Variants in NTNG1 observed in about 807,000 individuals in gnomAD.
The protein encoded by NTNG1 is netrin G1.
A neutral mutation model predicts 54.0 loss-of-function variants in NTNG1; 16 were observed. That is an observed-to-expected ratio of 0.30 (90% confidence interval 0.20 to 0.45). The LOEUF is 0.45. Ranked by LOEUF, NTNG1 falls within the 20% of genes least tolerant of loss-of-function variation. The pLI is 1.00. For missense variants in NTNG1, 530 were observed against 678.7 expected (o/e 0.78, Z 2.43); for synonymous variants, 255 against 263.1 (o/e 0.97, Z 0.30).
intron 2 of NTNG1, among the ~76,000 whole-genome samples, chr1:107,307,155 A>C (rs1013008324): frequency 6.6e-6 from 1 of 152,242 alleles, no homozygotes; most frequent in Non-Finnish European, 1.5e-5. Context: ...TTTTGTCCAC[A>C]AGAATAACTT....
chr1:107,185,780 G>A (rs1385999811), intron 2 of NTNG1, among the ~76,000 whole-genome samples: 1 of 152,118 alleles, frequency 6.6e-6, no homozygotes, highest in African/African-American at 2.4e-5. Context: ...TCACATTGTG[G>A]AGCAATATGC....
Position 107,380,448 on chromosome 1 carries a change from AT to A in NTNG1, c.888-14699del, listed in dbSNP as rs528782764. Among the ~76,000 whole-genome samples, 176 of 152,116 alleles carry A rather than the reference AT, an allele frequency of 1.2e-3. 1 individual carries two copies. The highest frequency in any genetic ancestry group is 1.5e-3 in the Non-Finnish European group (99 of 67,992). On this transcript the variant is annotated intron_variant, in intron 3 of 7. Transcript: ENST00000370068. ...GTTACACATATACTCCCTAGGGATG[AT>A]TTTTTTCTTTATCTGTAAAATAGGG...
Position 107,181,972 on chromosome 1 carries a change from T to A in NTNG1, c.246+33133T>A, listed in dbSNP as rs954827663. Among the ~76,000 whole-genome samples, 6 of 152,228 alleles carry A rather than the reference T, an allele frequency of 3.9e-5. No individual in the cohort carries two copies. The South Asian group carries it at 6.2e-4, about 16-fold the overall frequency. ...ACTCTCAATATTCCCCTGTTTTTTTTATATTAATAATAATTATTAGGGGAA... is the reference window on the plus strand; with the variant it reads ...ACTCTCAATATTCCCCTGTTTTTTTAATATTAATAATAATTATTAGGGGAA... On this transcript the variant is annotated intron_variant, in intron 2 of 7. Transcript: ENST00000370068.
chr1:107,305,442 G>C (rs998296903), intron 2 of NTNG1, among the ~76,000 whole-genome samples: 4 of 152,150 alleles, frequency 2.6e-5, no homozygotes, highest in African/African-American at 9.7e-5. Context: ...ACTGGCCTGA[G>C]ATGTTATCTA....
rs1166761109 is a variant in NTNG1 at position 107,208,021 on chromosome 1, C to T, written c.246+59182C>T. On this transcript the variant is annotated intron_variant, in intron 2 of 7. Transcript: ENST00000370068. ...CTACAGGGAACCATTGTCCCTGTCC[C>T]CCTCCTCTTCATCATGATCGTGGAA... Among the ~76,000 whole-genome samples, 9 of 152,198 alleles carry T rather than the reference C, an allele frequency of 5.9e-5. No individual in the cohort carries two copies. The East Asian group carries it at 1.7e-3, about 29-fold the overall frequency.
chr1:107,322,560 A>G (rs1427982450), intron 2 of NTNG1, among the ~76,000 whole-genome samples: 1 of 152,080 alleles, frequency 6.6e-6, no homozygotes, highest in Non-Finnish European at 1.5e-5. Context: ...AGCCTTTGCC[A>G]GTCTGTAGAG....
At chr1:107,217,666 C>A (rs1286082779) in intron 2 of NTNG1, among the ~76,000 whole-genome samples, 1 of 152,124 alleles carries the variant, frequency 6.6e-6, no homozygotes, top group East Asian at 1.9e-4. Flanking sequence ...CTACTCATTT[C>A]AAAGAATCTT....
chr1:107,478,199 T>C (rs1678457827), intron 7 of NTNG1, among the ~76,000 whole-genome samples: 1 of 152,204 alleles, frequency 6.6e-6, no homozygotes, highest in Admixed American at 6.5e-5. Flanking sequence ...GCACTGTATG[T>C]ATGGTAAAGT....
chr1:107,342,655 C>G (rs565427089), intron 3 of NTNG1, among the ~76,000 whole-genome samples: 1 of 152,124 alleles, frequency 6.6e-6, no homozygotes, highest in Non-Finnish European at 1.5e-5. Context: ...AATGAGCTGC[C>G]TCTGTTAACC....
At chr1:107,385,137 T>C (rs1671878593) in intron 3 of NTNG1, among the ~76,000 whole-genome samples, 1 of 152,224 alleles carries the variant, frequency 6.6e-6, no homozygotes, top group Non-Finnish European at 1.5e-5. Flanking sequence ...AAGTGATTAA[T>C]ATATACCAGG....
intron 3 of NTNG1, among the ~76,000 whole-genome samples, chr1:107,385,365 T>G (rs1014713639): frequency 6.6e-6 from 1 of 152,124 alleles, no homozygotes; most frequent in African/African-American, 2.4e-5. Flanking sequence ...ATAGTCCATG[T>G]GGTCCTGGTC....
intron 7 of NTNG1, among the ~76,000 whole-genome samples, chr1:107,465,627 C>A (rs2101561442): frequency 6.6e-6 from 1 of 152,276 alleles, no homozygotes; most frequent in East Asian, 1.9e-4. Flanking sequence ...TGAGCAAGAT[C>A]TTAAAGAATG....
rs775965517 is a variant in NTNG1, at chr1:107,356,545, C to T, written c.887+31623C>T. 3.3e-5 allele frequency among the ~76,000 whole-genome samples: 5 copies of T among 152,218 alleles called. No individual in the cohort carries two copies. The East Asian group carries it at 5.9e-4, about 18-fold the overall frequency. ...CTGGCCTCAAGTGATCTGCTTGCTT[C>T]GGCCTCCCAAAGTGCTGGGATTACA... On this transcript the variant is annotated intron_variant, in intron 3 of 7. Transcript: ENST00000370068.
chr1:107,302,959 C>T (rs1210779493), intron 2 of NTNG1, among the ~76,000 whole-genome samples: 2 of 152,166 alleles, frequency 1.3e-5, no homozygotes, highest in Admixed American at 6.6e-5. Context: ...TTAGGCTATT[C>T]GCCACTCAAT....
chr1:107,339,593 G>A (rs1003767916), intron 3 of NTNG1, among the ~76,000 whole-genome samples: 42 of 152,002 alleles, frequency 2.8e-4, no homozygotes, highest in Admixed American at 5.9e-4. Context: ...TGTGGACTAA[G>A]AAAGAAAAGA....
At chr1:107,283,628 G>A (rs1054239924) in intron 2 of NTNG1, among the ~76,000 whole-genome samples, 2 of 152,152 alleles carry the variant, frequency 1.3e-5, no homozygotes, top group African/African-American at 4.8e-5. Flanking sequence ...ATTAGGCCTA[G>A]ACCATTTCAA....
intron 2 of NTNG1, among the ~76,000 whole-genome samples, chr1:107,308,561 A>G (rs530865052): frequency 6.6e-6 from 1 of 152,104 alleles, no homozygotes; most frequent in South Asian, 2.1e-4. Flanking sequence ...GTAGCCCTGT[A>G]GTATAGTGTG....
intron 2 of NTNG1, among the ~76,000 whole-genome samples, chr1:107,170,842 A>G (rs1455364037): frequency 6.6e-6 from 1 of 152,146 alleles, no homozygotes; most frequent in Non-Finnish European, 1.5e-5. Context: ...TAAAGAATAT[A>G]TTCAAGCTTG....
intron 2 of NTNG1, among the ~76,000 whole-genome samples, chr1:107,300,712 T>C (rs1254362768): frequency 6.6e-6 from 1 of 152,202 alleles, no homozygotes; most frequent in Non-Finnish European, 1.5e-5. Context: ...TTTTTTAAAG[T>C]TGATTGTAGT....
Sources: gnomAD v4.1 joint callset for allele counts (sites outside exome capture counted in the v4.1 genomes callset) on GRCh38, gnomAD v4.1.1 for gene constraint, MANE v1.5 for transcripts, NCBI Gene and HGNC (gene_info 2026-07-23, HGNC 2026-07-21) for gene names.